The following NRG2 variants were observed in gnomAD, a reference collection of about 807,000 sequenced individuals.
NRG2 encodes neuregulin 2.
Under a neutral mutation model 73.9 loss-of-function variants are expected in NRG2, and 27 were observed. The ratio of observed to expected loss-of-function variants is 0.37; its 90% confidence interval spans 0.27 to 0.50. The LOEUF is 0.50. NRG2 is among the 20% of genes least tolerant of loss of function. NRG2 has a pLI of 0.96. For synonymous variants in NRG2, 532 were observed against 541.0 expected, an observed-to-expected ratio of 0.98 and a Z score of 0.23; for missense variants, 1,126 against 1,210.1, an observed-to-expected ratio of 0.93 and a Z score of 1.03.
intron 1 of NRG2, among the ~76,000 whole-genome samples, chr5:139,985,746 C>A (rs1414022058): frequency 6.6e-6 from 1 of 152,204 alleles, no homozygotes; most frequent in Non-Finnish European, 1.5e-5. Context: ...CAAGCCCCCT[C>A]TCCTCGAGCT....
At position 140,042,557 on chromosome 5, in the gene NRG2, G is replaced by A. The variant is rs1380951457; in HGVS notation, c.513C>T (p.Ser171=). The part of the protein sequence containing the change: ...VKVLDKWPLR[S]GGLQREQVIS... ...TCACCTGCTCGCGCTGCAGCCCCCC[G>A]CTCCGGAGCGGCCACTTGTCCAGCA... The change falls in exon 1 of 10, where the codon AGC becomes AGT. Residue 171 remains serine (S), a synonymous_variant. Transcript: ENST00000361474. The A allele has an allele frequency of 5.0e-6, 8 of 1,611,448 alleles. No homozygotes were observed. Among genetic ancestry groups the A allele is most frequent in the Non-Finnish European group, 5.9e-6 (7 of 1,178,778 alleles).
At position 139,900,693 on chromosome 5, in the gene NRG2, A is replaced by G. The variant is rs148884077; in HGVS notation, c.701-13182T>C. Among the ~76,000 whole-genome samples the G allele has an allele frequency of 9.1e-3, 1,387 of 152,284 alleles. 26 individuals carry two copies. Among genetic ancestry groups the G allele is most frequent in the African/African-American group, 0.032 (1,320 of 41,558 alleles). ...GAGGAGGGCTAGTGGAGTAAGTGGG[A>G]CTGACCAGGTATGGGTAGCAACTGG... On this transcript the variant is annotated intron_variant, in intron 1 of 9. Transcript: ENST00000361474.
rs574485709 is a variant in NRG2, at chr5:139,856,806, A to G, written c.1190-1028T>C. On this transcript the variant is annotated intron_variant, in intron 5 of 9. Transcript: ENST00000361474. The surrounding 1 kb of genome is among the most constrained non-coding windows in gnomAD (Gnocchi z 4.2). ...TTCATTCACGCACACACACCTGCACACACAACATATGCACACACACAGAGT... is the reference window on the plus strand; with the variant it reads ...TTCATTCACGCACACACACCTGCACGCACAACATATGCACACACACAGAGT... 3.9e-5 allele frequency among the ~76,000 whole-genome samples: 6 copies of G among 152,310 alleles called. No homozygotes were observed. In the South Asian group the frequency reaches 1.2e-3, roughly 32 times the overall value.
In NRG2 at chr5:139,935,726, G is replaced by A. The variant is rs370779580; in HGVS notation, c.701-48215C>T. On this transcript the variant is annotated intron_variant, in intron 1 of 9. Coordinates refer to ENST00000361474, the MANE Select transcript of NRG2 (RefSeq NM_004883.3). ...TGTAATCCCAGCACTTTGGGAGGCC[G>A]AGGTGGGTGGATCACTTGAGGCTGG... Among the ~76,000 whole-genome samples the A allele has an allele frequency of 2.8e-4, 43 of 152,194 alleles. No homozygotes were observed. In the South Asian group the frequency reaches 7.7e-3, roughly 27 times the overall value.
chr5:139,916,795 A>C (rs1751288763), intron 1 of NRG2, among the ~76,000 whole-genome samples: 2 of 152,194 alleles, frequency 1.3e-5, no homozygotes, highest in South Asian at 2.1e-4. Flanking sequence ...TTATATGTTC[A>C]TCAGTTGATG....
intron 1 of NRG2, among the ~76,000 whole-genome samples, chr5:140,030,495 C>A (rs1761050204): frequency 6.6e-6 from 1 of 152,234 alleles, no homozygotes; most frequent in East Asian, 1.9e-4. Context: ...ATAGGTGAAG[C>A]AGGGGCAAGC....
Position 139,886,606 on chromosome 5 carries a change from AG to A in NRG2, c.872+733del, listed in dbSNP as rs1763888046. ...TAGAATGCCTGTTTAGCTGGCAGGC[AG>A]GGGTTTTCCCCCTTGCTTCTCCTTG... On this transcript the variant is annotated intron_variant, in intron 2 of 9. Coordinates refer to ENST00000361474, the MANE Select transcript of NRG2 (RefSeq NM_004883.3). Among the ~76,000 whole-genome samples, 3 of 152,204 alleles carry A rather than the reference AG, an allele frequency of 2.0e-5. No individual in the cohort carries two copies. The South Asian group carries it at 6.2e-4, about 31-fold the overall frequency.
intron 1 of NRG2, among the ~76,000 whole-genome samples, chr5:139,976,064 G>A (rs2126545612): frequency 6.6e-6 from 1 of 152,270 alleles, no homozygotes; most frequent in African/African-American, 2.4e-5. Flanking sequence ...TGTTATAGAT[G>A]TTGAAAAGGT....
At chr5:139,871,893 C>T (rs1460119451) in intron 3 of NRG2, 52 bp from the exon 4 acceptor site, 5 of 1,588,734 alleles carry the variant, frequency 3.1e-6, no homozygotes, top group African/African-American at 1.3e-5. Context: ...ATCCCTAGGC[C>T]CCAGGAATCA....
chr5:140,026,823 A>G (rs1172423052), intron 1 of NRG2, among the ~76,000 whole-genome samples: 1 of 152,196 alleles, frequency 6.6e-6, no homozygotes, highest in Non-Finnish European at 1.5e-5. Context: ...AAATGCTGTT[A>G]TTTAGGATAG....
intron 1 of NRG2, among the ~76,000 whole-genome samples, chr5:139,965,144 C>T (rs978726055): frequency 3.9e-5 from 6 of 152,218 alleles, no homozygotes; most frequent in African/African-American, 9.6e-5. Context: ...CCTGGCTCCA[C>T]GACAGCAACC....
intron 1 of NRG2, among the ~76,000 whole-genome samples, chr5:139,906,887 C>A (rs1332551818): frequency 6.6e-6 from 1 of 152,176 alleles, no homozygotes; most frequent in East Asian, 1.9e-4. Context: ...TTAAGAGGTA[C>A]TGGGGGAAGA....
At chr5:140,004,900 A>G (rs1758769652) in intron 1 of NRG2, among the ~76,000 whole-genome samples, 3 of 152,214 alleles carry the variant, frequency 2.0e-5, no homozygotes, top group African/African-American at 7.2e-5. Flanking sequence ...AAATTGGGTG[A>G]GGTTTGTACA....
chr5:139,895,763 G>A (rs943378515), intron 1 of NRG2, among the ~76,000 whole-genome samples: 2 of 152,230 alleles, frequency 1.3e-5, no homozygotes, highest in Admixed American at 6.5e-5. Context: ...CTCTTCAGCT[G>A]CTGAGGGCAG....
intron 1 of NRG2, among the ~76,000 whole-genome samples, chr5:140,006,341 C>T (rs1758899346): frequency 6.6e-6 from 1 of 152,218 alleles, no homozygotes; most frequent in Non-Finnish European, 1.5e-5. Flanking sequence ...CTCTCTCCTA[C>T]ACTGCTGATG....
At chr5:139,997,497 A>G (rs1758110490) in intron 1 of NRG2, among the ~76,000 whole-genome samples, 1 of 152,248 alleles carries the variant, frequency 6.6e-6, no homozygotes, top group Non-Finnish European at 1.5e-5. Flanking sequence ...AGTACTTTAC[A>G]TGCTCTTTAG....
intron 1 of NRG2, among the ~76,000 whole-genome samples, chr5:140,027,516 T>A (rs1013124424): frequency 6.6e-6 from 1 of 152,184 alleles, no homozygotes; most frequent in Non-Finnish European, 1.5e-5. Flanking sequence ...TCCCCCCTTA[T>A]CTATGGTTTC....
In NRG2 at chr5:139,865,228, T is replaced by C; in HGVS notation, c.1189+321A>G. On this transcript the variant is annotated intron_variant, in intron 5 of 9. Transcript: ENST00000361474. This position sits in a 1 kb window ranked among gnomAD's most constrained non-coding sequence, Gnocchi z 5.2. ...GAGCCAGGATAGCAAGACACAGGCA[T>C]TGCAACACCCCGGCACGGGCTCCTG... is the stretch of plus-strand genomic sequence containing the variant. The C allele has an allele frequency of 2.1e-6, 3 of 1,452,456 alleles. No individual in the cohort carries two copies. Among genetic ancestry groups the C allele is most frequent in the Non-Finnish European group, 2.9e-6 (3 of 1,034,412 alleles). 90.0% of individuals were successfully genotyped at this position (1,452,456 alleles called of 1,614,324 possible). A position where few individuals can be genotyped will look rare whatever the true frequency, so the allele number is the denominator to read the frequency against.
chr5:139,928,203 A>G (rs1246038198), intron 1 of NRG2, among the ~76,000 whole-genome samples: 2 of 152,204 alleles, frequency 1.3e-5, no homozygotes, highest in Non-Finnish European at 2.9e-5. Context: ...ATGAATGCCC[A>G]GGGCCTAAGT....
Sources: gnomAD v4.1 joint callset for allele counts (sites outside exome capture counted in the v4.1 genomes callset) on GRCh38, gnomAD v4.1.1 for gene constraint, Gnocchi (gnomAD v3.1) non-coding constraint, MANE v1.5 for transcripts, NCBI Gene and HGNC (gene_info 2026-07-23, HGNC 2026-07-21) for gene names.